ANKRD31: variants seen among roughly 807,000 people sequenced by gnomAD.
The protein encoded by ANKRD31 is ankyrin repeat domain-containing protein 31.
ANKRD31 carries 147 observed loss-of-function variants against 186.0 expected under a neutral mutation model. The observed-to-expected ratio is 0.79, with a 90% CI of 0.69 to 0.91. ANKRD31 has a LOEUF of 0.91. ANKRD31 is among the 40% of genes least tolerant of loss of function. The probability of loss-of-function intolerance (pLI) is 0.00; values close to 1 mark genes in which losing one functional copy is unlikely to be tolerated. For missense variants in ANKRD31, 1,986 were observed against 2,148.8 expected, an observed-to-expected ratio of 0.92 and a Z score of 1.50; for synonymous variants, 673 against 736.4, an observed-to-expected ratio of 0.91 and a Z score of 1.39.
chr5:75,099,436 C>T (rs1307001463), intron 22 of ANKRD31, among the ~76,000 whole-genome samples: 2 of 152,180 alleles, frequency 1.3e-5, no homozygotes, highest in Non-Finnish European at 2.9e-5. Flanking sequence ...CAGGATGATG[C>T]TGGCCTCATC....
intron 23 of ANKRD31, among the ~76,000 whole-genome samples, chr5:75,088,574 G>A (rs1405883666): frequency 6.6e-6 from 1 of 152,176 alleles, no homozygotes; most frequent in Non-Finnish European, 1.5e-5. Context: ...ATTCATAAAG[G>A]TGGCTAGATT....
chr5:75,118,891 G>A (rs961173532), intron 17 of ANKRD31, among the ~76,000 whole-genome samples: 5 of 152,156 alleles, frequency 3.3e-5, no homozygotes, highest in Middle Eastern at 3.4e-3. Context: ...GGAGGATAGG[G>A]TAGAAAAGTG....
At chr5:75,177,607 A>G (rs200866978) in intron 10 of ANKRD31, among the ~76,000 whole-genome samples, 1 of 152,168 alleles carries the variant, frequency 6.6e-6, no homozygotes, top group Non-Finnish European at 1.5e-5. Flanking sequence ...GAATTTTCAA[A>G]CCAAAATTTC....
chr5:75,105,332 C>T, intron 21 of ANKRD31, 114 bp from the exon 22 acceptor site: 1 of 1,160,130 alleles, frequency 8.6e-7, no homozygotes, highest in Non-Finnish European at 1.1e-6. Context: ...TTAAAATACA[C>T]AAAACTATGC....
intron 24 of ANKRD31, among the ~76,000 whole-genome samples, chr5:75,081,700 C>CAGAGAGAGAGAGAGACAG (rs1745090293): frequency 7.3e-6 from 1 of 137,004 alleles, no homozygotes; most frequent in African/African-American, 2.7e-5. Flanking sequence ...GAGAGAGAGA[C>CAGAGAGAGAGAGAGACAG]AGAGAGAGAG....
At chr5:75,130,651 C>A (rs1277866088) in intron 17 of ANKRD31, among the ~76,000 whole-genome samples, 1 of 152,164 alleles carries the variant, frequency 6.6e-6, no homozygotes, top group Non-Finnish European at 1.5e-5. Flanking sequence ...ACACAGAGTG[C>A]TGATTGGTGC....
chr5:75,184,158 G>C (rs1215830537), intron 10 of ANKRD31, among the ~76,000 whole-genome samples: 1 of 152,024 alleles, frequency 6.6e-6, no homozygotes, highest in African/African-American at 2.4e-5. Flanking sequence ...GGAAAAAACA[G>C]CCTCTTCAAT....
At chr5:75,072,766 T>C (rs901524625) in intron 25 of ANKRD31, among the ~76,000 whole-genome samples, 1 of 152,134 alleles carries the variant, frequency 6.6e-6, no homozygotes, top group Non-Finnish European at 1.5e-5. Flanking sequence ...TATGAAAAAA[T>C]ACAAGCTCCA....
chr5:75,114,910 G>T (rs1320936612), intron 19 of ANKRD31, among the ~76,000 whole-genome samples: 25 of 152,048 alleles, frequency 1.6e-4, no homozygotes, highest in African/African-American at 4.3e-4. Flanking sequence ...AAAACTACTT[G>T]AAAGTTCATA....
chr5:75,226,782 A>C (rs2150315500), intron 2 of ANKRD31, among the ~76,000 whole-genome samples: 1 of 152,326 alleles, frequency 6.6e-6, no homozygotes, highest in East Asian at 1.9e-4. Flanking sequence ...ATGCTGGTGA[A>C]GATGTGGAGA....
At chr5:75,097,987 T>C (rs1001027387) in intron 22 of ANKRD31, among the ~76,000 whole-genome samples, 2 of 152,166 alleles carry the variant, frequency 1.3e-5, no homozygotes, top group African/African-American at 4.8e-5. Context: ...GTATTATTTC[T>C]GAGGGCTCTG....
intron 17 of ANKRD31, among the ~76,000 whole-genome samples, chr5:75,124,381 C>G (rs888721663): frequency 6.6e-6 from 1 of 151,986 alleles, no homozygotes; most frequent in Non-Finnish European, 1.5e-5. Flanking sequence ...GGAGATTTCC[C>G]AAATAACTAA....
intron 2 of ANKRD31, among the ~76,000 whole-genome samples, chr5:75,227,042 T>C (rs762422130): frequency 1.5e-4 from 23 of 151,900 alleles, no homozygotes; most frequent in Non-Finnish European, 2.8e-4. Context: ...TAAGTGTCCA[T>C]CAACAGATGA....
At chr5:75,082,372 A>G (rs536874748) in intron 24 of ANKRD31, among the ~76,000 whole-genome samples, 2 of 152,302 alleles carry the variant, frequency 1.3e-5, no homozygotes, top group Admixed American at 6.5e-5. Context: ...TCACAGTATC[A>G]TCATTTTTTG....
At chr5:75,192,858 A>C (rs1205718762) in intron 8 of ANKRD31, 82 bp from the exon 9 acceptor site, 2 of 1,055,784 alleles carry the variant, frequency 1.9e-6, no homozygotes, top group Non-Finnish European at 2.7e-6. Context: ...TTTGAATACA[A>C]TATTAAAACT....
intron 10 of ANKRD31, among the ~76,000 whole-genome samples, chr5:75,178,396 T>C (rs1753994844): frequency 6.6e-6 from 1 of 152,186 alleles, no homozygotes; most frequent in South Asian, 2.1e-4. Context: ...AATAGACATC[T>C]ACAGAACTCT....
intron 10 of ANKRD31, among the ~76,000 whole-genome samples, chr5:75,182,979 C>T (rs959053297): frequency 1.3e-5 from 2 of 152,038 alleles, no homozygotes; most frequent in African/African-American, 2.4e-5. Context: ...ATCCCCAATA[C>T]CCCTGATGAA....
At chr5:75,187,429 A>C (rs1754813517) in intron 10 of ANKRD31, among the ~76,000 whole-genome samples, 1 of 152,032 alleles carries the variant, frequency 6.6e-6, no homozygotes, top group South Asian at 2.1e-4. Context: ...AGAAGGGAAC[A>C]GCCACTGAGA....
chr5:75,198,062 C>G (rs1296445087), intron 6 of ANKRD31, among the ~76,000 whole-genome samples: 3 of 152,192 alleles, frequency 2.0e-5, no homozygotes, highest in Non-Finnish European at 4.4e-5. Context: ...GGTACTCTTT[C>G]TGAAGAAACA....
Sources: allele counts gnomAD v4.1 joint callset (sites outside exome capture counted in the v4.1 genomes callset), GRCh38; gene constraint gnomAD v4.1.1; transcripts MANE v1.5; gene names NCBI Gene and HGNC (gene_info 2026-07-23, HGNC 2026-07-21).